SLC35F1: variants seen among roughly 807,000 people sequenced by gnomAD.
SLC35F1 encodes chromosome 6 open reading frame 169.
SLC35F1 carries 14 observed loss-of-function variants against 48.7 expected under a neutral mutation model. The observed-to-expected ratio is 0.29, with a 90% CI of 0.19 to 0.45. The LOEUF (loss-of-function observed/expected upper bound fraction) is 0.45, where lower values mean the gene tolerates loss of function less well. Ranked by LOEUF, SLC35F1 falls within the 20% of genes least tolerant of loss-of-function variation. The pLI, the probability that SLC35F1 is intolerant of heterozygous loss-of-function variation, is 1.00. For missense variants in SLC35F1, 404 were observed against 500.0 expected, an observed-to-expected ratio of 0.81 and a Z score of 1.83; for synonymous variants, 190 against 202.2, an observed-to-expected ratio of 0.94 and a Z score of 0.51.
chr6:118,086,524 A>G (rs1772992908), intron 1 of SLC35F1, among the ~76,000 whole-genome samples: 1 of 152,308 alleles, frequency 6.6e-6, no homozygotes, highest in African/African-American at 2.4e-5. Flanking sequence ...TCTTCAATCC[A>G]TATCTCTTTC....
At chr6:117,991,198 A>G (rs2114857794) in intron 1 of SLC35F1, among the ~76,000 whole-genome samples, 1 of 152,320 alleles carries the variant, frequency 6.6e-6, no homozygotes, top group Middle Eastern at 3.4e-3. Context: ...ACTAAATTGC[A>G]TAGTAAATGT....
chr6:117,917,859 A>T (rs1775846640), intron 1 of SLC35F1, among the ~76,000 whole-genome samples: 1 of 137,932 alleles, frequency 7.2e-6, no homozygotes, highest in Non-Finnish European at 1.7e-5. Context: ...ACCAAGAACA[A>T]TTTGGGGGGC....
intron 1 of SLC35F1, among the ~76,000 whole-genome samples, chr6:118,133,512 G>T (rs1356527973): frequency 5.3e-5 from 8 of 152,170 alleles, no homozygotes; most frequent in Non-Finnish European, 1.2e-4. Context: ...CATATTGATA[G>T]AATAAAATAG....
intron 1 of SLC35F1, among the ~76,000 whole-genome samples, chr6:118,016,988 A>G (rs1777330996): frequency 6.6e-6 from 1 of 152,234 alleles, no homozygotes; most frequent in Admixed American, 6.5e-5. Context: ...GCTATCAGGC[A>G]TGTTGCTACC....
intron 2 of SLC35F1, among the ~76,000 whole-genome samples, chr6:118,226,340 TC>T (rs1775217714): frequency 6.6e-6 from 1 of 152,210 alleles, no homozygotes; most frequent in Non-Finnish European, 1.5e-5. Context: ...AACCATATGA[TC>T]CAGCAATTCC....
chr6:117,993,031 G>A (rs569336108), intron 1 of SLC35F1, among the ~76,000 whole-genome samples: 6 of 152,288 alleles, frequency 3.9e-5, no homozygotes, highest in Admixed American at 2.0e-4. Context: ...CACAGACCCC[G>A]TTTATCACAA....
At chr6:118,246,342 G>T (rs926142369) in intron 3 of SLC35F1, among the ~76,000 whole-genome samples, 2 of 152,136 alleles carry the variant, frequency 1.3e-5, no homozygotes, top group African/African-American at 4.8e-5. Flanking sequence ...ATAGATGGCT[G>T]TATGGAGCAT....
chr6:117,963,347 GT>G lies in SLC35F1; in HGVS notation c.173+55460del, dbSNP rs397887556. Among the ~76,000 whole-genome samples, 525 of 144,280 alleles carry G rather than the reference GT, an allele frequency of 3.6e-3. 1 individual carries two copies. The highest frequency in any genetic ancestry group is 0.01 in the African/African-American group (408 of 39,322). The allele number at this position is 144,280 out of a possible 152,430, so 94.7% of individuals were successfully genotyped here. A position where few individuals can be genotyped will look rare whatever the true frequency, so the allele number is the denominator to read the frequency against. On this transcript the variant is annotated intron_variant, in intron 1 of 7. Coordinates refer to ENST00000360388, the MANE Select transcript of SLC35F1 (RefSeq NM_001029858.4). The stretch of plus-strand genomic sequence containing the variant: ...TGATTAGTTACTATTTTATTTTATT[GT>G]TTTTTTTTTTTGGCTGCATATCACT...
At chr6:118,084,326 G>A (rs1772953591) in intron 1 of SLC35F1, among the ~76,000 whole-genome samples, 1 of 152,014 alleles carries the variant, frequency 6.6e-6, no homozygotes, top group South Asian at 2.1e-4. Context: ...CAATCCGATT[G>A]TCTTTCATAT....
At chr6:118,161,921 T>C (rs982906519) in intron 2 of SLC35F1, among the ~76,000 whole-genome samples, 1 of 152,208 alleles carries the variant, frequency 6.6e-6, no homozygotes, top group Non-Finnish European at 1.5e-5. Flanking sequence ...ATACCACCTG[T>C]ACGTGGGAAT....
chr6:117,955,655 T>C (rs969456447), intron 1 of SLC35F1, among the ~76,000 whole-genome samples: 3 of 152,072 alleles, frequency 2.0e-5, no homozygotes, highest in Admixed American at 2.0e-4. Context: ...GTGAAGAAAA[T>C]AAGTTAGAAT....
chr6:118,291,826 A>G (rs924028878), intron 7 of SLC35F1, among the ~76,000 whole-genome samples: 5 of 152,132 alleles, frequency 3.3e-5, no homozygotes, highest in African/African-American at 1.2e-4. Flanking sequence ...AGTTTAAAAA[A>G]TACTGATGTG....
chr6:118,098,351 A>C (rs1773208250), intron 1 of SLC35F1, among the ~76,000 whole-genome samples: 1 of 152,200 alleles, frequency 6.6e-6, no homozygotes, highest in African/African-American at 2.4e-5. Flanking sequence ...GTGTCTCCTG[A>C]TGCTAGTGCC....
chr6:117,930,943 G>T (rs529869342), intron 1 of SLC35F1, among the ~76,000 whole-genome samples: 2 of 152,296 alleles, frequency 1.3e-5, no homozygotes, highest in South Asian at 2.1e-4. Flanking sequence ...CATTGGTTCT[G>T]GGTCAGGCCA....
At chr6:118,292,382 G>C (rs996751013) in intron 7 of SLC35F1, among the ~76,000 whole-genome samples, 1 of 152,144 alleles carries the variant, frequency 6.6e-6, no homozygotes, top group Non-Finnish European at 1.5e-5. Flanking sequence ...ACTGTCTTGG[G>C]AAGCAGGAGT....
intron 1 of SLC35F1, among the ~76,000 whole-genome samples, chr6:118,103,014 A>G (rs935257830): frequency 2.0e-5 from 3 of 152,182 alleles, no homozygotes; most frequent in African/African-American, 7.2e-5. Context: ...TAGGGTAACC[A>G]CCAGGTCTAC....
chr6:118,184,461 G>C (rs1340739155), intron 2 of SLC35F1, among the ~76,000 whole-genome samples: 4 of 152,142 alleles, frequency 2.6e-5, no homozygotes, highest in Non-Finnish European at 5.9e-5. Context: ...TCCAACTTCT[G>C]AGTAAGCAAC....
intron 4 of SLC35F1, among the ~76,000 whole-genome samples, chr6:118,271,124 T>C (rs1311870375): frequency 6.6e-6 from 1 of 152,198 alleles, no homozygotes; most frequent in Non-Finnish European, 1.5e-5. Context: ...ATGACACTTT[T>C]TATTGAGTGC....
At chr6:118,268,794 G>A (rs550834271) in intron 4 of SLC35F1, among the ~76,000 whole-genome samples, 2 of 151,714 alleles carry the variant, frequency 1.3e-5, no homozygotes, top group Admixed American at 1.3e-4. Flanking sequence ...ATTTTTAGTA[G>A]AAACGGGGTT....
Sources: gnomAD v4.1 joint callset for allele counts (sites outside exome capture counted in the v4.1 genomes callset) on GRCh38, gnomAD v4.1.1 for gene constraint, MANE v1.5 for transcripts, NCBI Gene and HGNC (gene_info 2026-07-23, HGNC 2026-07-21) for gene names.